KMT2C: variants seen among roughly 807,000 people sequenced by gnomAD.
KMT2C encodes the protein histone-lysine N-methyltransferase 2C.
Under a neutral mutation model 507.9 loss-of-function variants are expected in KMT2C, and 88 were observed. The observed-to-expected ratio is 0.17, with a 90% confidence interval of 0.15 to 0.21. KMT2C has a LOEUF of 0.21. KMT2C is among the 10% of genes least tolerant of loss of function. The probability of loss-of-function intolerance (pLI) is 1.00; values close to 1 mark genes in which losing one functional copy is unlikely to be tolerated. For missense variants in KMT2C, 4,954 were observed against 5,957.8 expected (o/e 0.83, Z 5.55); for synonymous variants, 2,049 against 2,080.8 (o/e 0.98, Z 0.42).
intron 1 of KMT2C, among the ~76,000 whole-genome samples, chr7:152,411,009 A>AT (rs374569252): frequency 2.0e-5 from 3 of 148,836 alleles, no homozygotes; most frequent in Non-Finnish European, 4.5e-5. Flanking sequence ...TCTCAAAAAA[A>AT]ATATATATAT....
At chr7:152,363,816 T>C (rs537331232) in intron 1 of KMT2C, among the ~76,000 whole-genome samples, 1 of 152,170 alleles carries the variant, frequency 6.6e-6, no homozygotes, top group Non-Finnish European at 1.5e-5. Context: ...TGAATACCAA[T>C]CTGCACATGT....
intron 40 of KMT2C, among the ~76,000 whole-genome samples, chr7:152,169,658 G>T (rs893844918): frequency 1.3e-5 from 2 of 152,050 alleles, no homozygotes; most frequent in Admixed American, 6.6e-5. Flanking sequence ...CCACAGCATG[G>T]TTATTTATAA....
intron 26 of KMT2C, among the ~76,000 whole-genome samples, chr7:152,200,202 T>G (rs777601113): frequency 6.6e-6 from 1 of 152,188 alleles, no homozygotes; most frequent in Non-Finnish European, 1.5e-5. Context: ...CAATACAACA[T>G]TTAACACATT....
intron 7 of KMT2C, among the ~76,000 whole-genome samples, chr7:152,266,917 T>C (rs2095867658): frequency 6.6e-6 from 1 of 152,276 alleles, no homozygotes; most frequent in Admixed American, 6.5e-5. Context: ...AGGTTGCCAA[T>C]GCCCATAGGA....
At chr7:152,356,104 T>TA (rs910975239) in intron 2 of KMT2C, among the ~76,000 whole-genome samples, 1 of 151,908 alleles carries the variant, frequency 6.6e-6, no homozygotes, top group Non-Finnish European at 1.5e-5. Context: ...AACATACGGG[T>TA]AGGGATGCAA....
chr7:152,367,515 G>C, intron 1 of KMT2C: 1 of 1,070,712 alleles, frequency 9.3e-7, no homozygotes, highest in East Asian at 2.4e-5. Flanking sequence ...ACCTTACCCA[G>C]AGAGGCGAAC....
chr7:152,269,103 T>C (rs1489923257), intron 7 of KMT2C, among the ~76,000 whole-genome samples: 2 of 152,246 alleles, frequency 1.3e-5, no homozygotes, highest in African/African-American at 4.8e-5. Context: ...ATTGTATTTA[T>C]ACTGCACAGC....
In KMT2C at chr7:152,369,887, G is replaced by GA. The variant is rs60808950; in HGVS notation, c.162-11213_162-11212insT. The stretch of plus-strand genomic sequence containing the variant: ...AAAATGAACTAAAACAGGAATGAAA[G>GA]GGGATTTCACTATAGACTCCACAGA... On this transcript the variant is annotated intron_variant, in intron 1 of 58. Coordinates refer to ENST00000262189, the MANE Select transcript of KMT2C (RefSeq NM_170606.3). Among the ~76,000 whole-genome samples the GA allele has an allele frequency of 4.1e-3, 628 of 151,832 alleles. 5 individuals are homozygous for GA. Among genetic ancestry groups the GA allele is most frequent in the African/African-American group, 0.015 (600 of 41,194 alleles).
intron 52 of KMT2C, 142 bp downstream of exon 52, chr7:152,147,891 A>C (rs1180415825): frequency 1.1e-6 from 1 of 876,740 alleles, no homozygotes; most frequent in East Asian, 2.7e-5. Context: ...TGAGAACACA[A>C]ACATTGGCAT....
chr7:152,417,479 T>A (rs548313608), intron 1 of KMT2C, among the ~76,000 whole-genome samples: 102 of 152,322 alleles, frequency 6.7e-4, no homozygotes, highest in Non-Finnish European at 3.1e-4. Flanking sequence ...GTGACAAAGA[T>A]GTTATTATCA....
In KMT2C at chr7:152,187,525, A is replaced by AAT. The variant is rs1255370539; in HGVS notation, c.4794-51_4794-50dup. On this transcript the variant is annotated intron_variant, in intron 32 of 58. Transcript: ENST00000262189. ...CTTTATGAACATAAAATAACTTCTT[A>AAT]ATATATGTTCAAGTATAGCTTTCAT... is the stretch of plus-strand genomic sequence containing the variant. 4 of 1,521,430 alleles carry AAT rather than the reference A, an allele frequency of 2.6e-6. No individual in the cohort carries two copies. The Admixed American group carries it at 6.8e-5, about 26-fold the overall frequency. The allele number at this position is 1,521,430 out of a possible 1,614,324, so 94.2% of individuals were successfully genotyped here.
chr7:152,288,022 C>CAA (rs66951420), intron 6 of KMT2C, among the ~76,000 whole-genome samples: 314 of 30,848 alleles, frequency 0.01, 4 homozygotes, highest in African/African-American at 0.014. Flanking sequence ...GAGTCTGCCT[C>CAA]AAAAAAAAAA....
chr7:152,307,205 GGA>G (rs2096624222), intron 6 of KMT2C, among the ~76,000 whole-genome samples: 1 of 110,348 alleles, frequency 9.1e-6, no homozygotes, highest in South Asian at 3.3e-4. Context: ...GAGGAAGGAA[GGA>G]AGGAAGGAAG....
intron 3 of KMT2C, among the ~76,000 whole-genome samples, chr7:152,322,362 A>G (rs1170086594): frequency 6.6e-6 from 1 of 151,880 alleles, no homozygotes; most frequent in Non-Finnish European, 1.5e-5. Flanking sequence ...ACCCTGGCTC[A>G]AAAAACAAGA....
At chr7:152,253,942 G>A (rs1294823493) in intron 9 of KMT2C, among the ~76,000 whole-genome samples, 2 of 152,098 alleles carry the variant, frequency 1.3e-5, no homozygotes, top group Non-Finnish European at 2.9e-5. Context: ...TTAATACATT[G>A]TGGGGCTCTC....
rs2093485294 is a variant in KMT2C, at chr7:152,183,044, T to C, written c.5195A>G (p.Asp1732Gly). The C allele has an allele frequency of 6.2e-7, 1 of 1,612,000 alleles. No homozygotes were observed. The highest frequency in any genetic ancestry group is 1.3e-5 in the African/African-American group (1 of 74,798). The change falls in exon 35 of 59, where the codon GAT becomes GGT. Residue 1732 changes from aspartate (D) to glycine (G), a missense_variant. Physicochemically the swap from Asp to Gly is moderately conservative, Grantham distance 94. Around this residue, in one of 29 missense-constraint regions of KMT2C, gnomAD observed 58 missense variants for 63.3 expected, o/e 0.92. Coordinates refer to ENST00000262189, the MANE Select transcript of KMT2C (RefSeq NM_170606.3). Reference protein sequence around the residue: ...QDSIDPSSRIDSELFKDPLKQ... With the variant: ...QDSIDPSSRIGSELFKDPLKQ... The stretch of plus-strand genomic sequence containing the variant: ...TAAAGGATCTTTAAAAAGCTCCGAA[T>C]CAATACGAGAGCTGGGATCAATGCT...
intron 10 of KMT2C, 79 bp from the exon 11 acceptor site, chr7:152,252,169 G>T: frequency 9.7e-7 from 1 of 1,029,100 alleles, no homozygotes. Flanking sequence ...TTGCTGAAAA[G>T]CTGGATATGA....
intron 28 of KMT2C, among the ~76,000 whole-genome samples, chr7:152,195,148 T>A (rs904963699): frequency 2.6e-5 from 4 of 152,200 alleles, no homozygotes; most frequent in African/African-American, 9.7e-5. Flanking sequence ...AAGAGTCACA[T>A]GTAAAAGTGG....
At chr7:152,312,484 C>T (rs2129200988) in intron 4 of KMT2C, among the ~76,000 whole-genome samples, 1 of 152,280 alleles carries the variant, frequency 6.6e-6, no homozygotes, top group East Asian at 1.9e-4. Context: ...TCAGCTGTAG[C>T]TTTCTTATGG....
Sources: gnomAD v4.1 joint callset for allele counts (sites outside exome capture counted in the v4.1 genomes callset) on GRCh38, gnomAD v4.1.1 for gene constraint, gnomAD v4.1.1 regional missense constraint, MANE v1.5 for transcripts, NCBI Gene and HGNC (gene_info 2026-07-23, HGNC 2026-07-21) for gene names.